The following ARHGAP28 variants were observed in gnomAD, a reference collection of about 807,000 sequenced individuals.
ARHGAP28 encodes rho GTPase-activating protein 28.
Under a neutral mutation model 90.7 loss-of-function variants are expected in ARHGAP28, and 56 were observed. That is an observed-to-expected ratio of 0.62 (90% CI 0.50 to 0.77). The LOEUF (loss-of-function observed/expected upper bound fraction) is 0.77. Ranked by LOEUF, ARHGAP28 falls within the 30% of genes least tolerant of loss-of-function variation. The probability of loss-of-function intolerance (pLI) is 0.00; values close to 1 mark genes in which losing one functional copy is unlikely to be tolerated. For missense variants in ARHGAP28, 869 were observed against 900.9 expected, an observed-to-expected ratio of 0.96 and a Z score of 0.45; for synonymous variants, 308 against 323.3, an observed-to-expected ratio of 0.95 and a Z score of 0.51.
chr18:6,875,376 C>A (rs942228687), intron 9 of ARHGAP28, among the ~76,000 whole-genome samples: 1 of 152,158 alleles, frequency 6.6e-6, no homozygotes, highest in Admixed American at 6.5e-5. Flanking sequence ...ACCTTAGTTC[C>A]AGGTACCATC....
chr18:6,893,034 A>G (rs1290021773), intron 14 of ARHGAP28, among the ~76,000 whole-genome samples: 1 of 152,210 alleles, frequency 6.6e-6, no homozygotes, highest in Non-Finnish European at 1.5e-5. Flanking sequence ...AAAGCATCTC[A>G]GTCTCCAGCC....
At chr18:6,817,273 C>CA (rs1222753155) in intron 1 of ARHGAP28, among the ~76,000 whole-genome samples, 1 of 151,110 alleles carries the variant, frequency 6.6e-6, no homozygotes, top group Non-Finnish European at 1.5e-5. Context: ...GAGCTGAGAT[C>CA]ATGCCACTGC....
At chr18:6,821,149 G>A (rs2056624242) in intron 1 of ARHGAP28, among the ~76,000 whole-genome samples, 1 of 152,164 alleles carries the variant, frequency 6.6e-6, no homozygotes, top group Admixed American at 6.5e-5. Flanking sequence ...TTACACTGTT[G>A]TGAAGTTATA....
chr18:6,897,779 G>A (rs11663962), intron 16 of ARHGAP28: 34,729 of 152,034 alleles, frequency 0.23, 4,475 homozygotes, highest in Non-Finnish European at 0.29. Context: ...GAAGGGAGAT[G>A]GTTTTGGTCA....
intron 1 of ARHGAP28, chr18:6,789,764 G>A (rs984599006): frequency 6.6e-6 from 1 of 151,820 alleles, no homozygotes; most frequent in Non-Finnish European, 1.5e-5. Context: ...ACTTTTGATG[G>A]CTTCAAAACT....
chr18:6,877,598 G>C (rs1300472218), intron 10 of ARHGAP28, among the ~76,000 whole-genome samples: 2 of 152,204 alleles, frequency 1.3e-5, no homozygotes, highest in African/African-American at 2.4e-5. Context: ...AGGGCTCCGG[G>C]CATGTTGAGG....
At chr18:6,903,694 G>C (rs1346262244) in intron 16 of ARHGAP28, among the ~76,000 whole-genome samples, 1 of 151,866 alleles carries the variant, frequency 6.6e-6, no homozygotes, top group Non-Finnish European at 1.5e-5. Flanking sequence ...AGCTGAGCGT[G>C]GTGGTGGGCG....
At chr18:6,893,522 C>G (rs1483999710) in intron 14 of ARHGAP28, among the ~76,000 whole-genome samples, 2 of 152,162 alleles carry the variant, frequency 1.3e-5, no homozygotes, top group Non-Finnish European at 2.9e-5. Context: ...AAAACCATAA[C>G]AGTATAATTA....
At chr18:6,890,675 A>G (rs1037211870) in intron 14 of ARHGAP28, 132 bp downstream of exon 14, 1 of 544,428 alleles carries the variant, frequency 1.8e-6, no homozygotes, top group Non-Finnish European at 3.2e-6. Context: ...TTGTAACTAT[A>G]AACATCATGG....
intron 15 of ARHGAP28, among the ~76,000 whole-genome samples, chr18:6,895,872 G>T (rs2057301121): frequency 6.6e-6 from 1 of 152,194 alleles, no homozygotes; most frequent in African/African-American, 2.4e-5. Context: ...AACATTGATA[G>T]AATGTGACTC....
At chr18:6,814,978 C>A (rs1363819547) in intron 1 of ARHGAP28, among the ~76,000 whole-genome samples, 1 of 152,062 alleles carries the variant, frequency 6.6e-6, no homozygotes, top group Non-Finnish European at 1.5e-5. Flanking sequence ...TCCTGAGTAG[C>A]CCCTAATTGG....
chr18:6,880,199 A>T (rs1030946248), intron 10 of ARHGAP28, among the ~76,000 whole-genome samples: 2 of 152,126 alleles, frequency 1.3e-5, no homozygotes, highest in African/African-American at 4.8e-5. Context: ...TACAAATCAG[A>T]TGGAAATCGT....
At chr18:6,751,747 G>A (rs35420527) in intron 1 of ARHGAP28, among the ~76,000 whole-genome samples, 18,994 of 152,174 alleles carry the variant, frequency 0.12, 1,359 homozygotes, top group South Asian at 0.26. Context: ...TGCTAGCAGC[G>A]TCATAGATCA....
intron 1 of ARHGAP28, among the ~76,000 whole-genome samples, chr18:6,783,016 C>T (rs1334005615): frequency 6.6e-6 from 1 of 152,066 alleles, no homozygotes; most frequent in Non-Finnish European, 1.5e-5. Flanking sequence ...GCTGGTCTTC[C>T]CTTAACTGCC....
intron 3 of ARHGAP28, among the ~76,000 whole-genome samples, chr18:6,841,203 C>CCTCTCTCTCT (rs1555631524): frequency 4.8e-5 from 2 of 41,972 alleles, no homozygotes; most frequent in African/African-American, 1.2e-4. Context: ...CTCTCTCTCT[C>CCTCTCTCTCT]CTCTCCTCTC....
At chr18:6,911,356 C>A (rs1484339184) in intron 17 of ARHGAP28, among the ~76,000 whole-genome samples, 2 of 152,128 alleles carry the variant, frequency 1.3e-5, no homozygotes. Context: ...ATCTATAAAA[C>A]CACTGGAGGA....
chr18:6,848,040 G>A (rs938904578), intron 3 of ARHGAP28, among the ~76,000 whole-genome samples: 2 of 152,112 alleles, frequency 1.3e-5, no homozygotes, highest in Non-Finnish European at 1.5e-5. Flanking sequence ...GATCATGTAG[G>A]CACCCTCTAC....
chr18:6,785,514 T>C (rs1470803475), intron 1 of ARHGAP28, among the ~76,000 whole-genome samples: 1 of 152,220 alleles, frequency 6.6e-6, no homozygotes, highest in Non-Finnish European at 1.5e-5. Flanking sequence ...GCACAGTTGC[T>C]TCCTCCTCTT....
chr18:6,783,803 C>A (rs140855743), intron 1 of ARHGAP28, among the ~76,000 whole-genome samples: 1 of 152,222 alleles, frequency 6.6e-6, no homozygotes, highest in Non-Finnish European at 1.5e-5. Flanking sequence ...GATGTTTATT[C>A]CCCTTTCCCA....
Sources: allele counts gnomAD v4.1 joint callset (sites outside exome capture counted in the v4.1 genomes callset), GRCh38; gene constraint gnomAD v4.1.1; transcripts MANE v1.5; gene names NCBI Gene and HGNC (gene_info 2026-07-23, HGNC 2026-07-21).